ACAD10: variants seen among roughly 807,000 people sequenced by gnomAD.
The protein encoded by ACAD10 is acyl-CoA dehydrogenase family member 10, also known as ACAD-10.
Under a neutral mutation model 116.8 loss-of-function variants are expected in ACAD10, and 112 were observed. That is an observed-to-expected ratio of 0.96 (90% CI 0.82 to 1.12). The LOEUF (loss-of-function observed/expected upper bound fraction) is 1.12. ACAD10 is among the 50% of genes most tolerant of loss of function. ACAD10 has a pLI of 0.00. For missense variants in ACAD10, 1,259 were observed against 1,350.2 expected (o/e 0.93, Z 1.06); for synonymous variants, 486 against 510.6 (o/e 0.95, Z 0.65).
chr12:111,704,595 G>A (rs1342367824), intron 3 of ACAD10, among the ~76,000 whole-genome samples: 2 of 152,002 alleles, frequency 1.3e-5, no homozygotes, highest in African/African-American at 2.4e-5. Context: ...TCTAAAATCT[G>A]TGTGTGTATA....
intron 19 of ACAD10, 145 bp from the exon 20 acceptor site, chr12:111,755,523 C>T (rs1475071037): frequency 6.1e-6 from 4 of 658,280 alleles, no homozygotes; most frequent in African/African-American, 1.8e-5. Context: ...TCACCTCAGC[C>T]TCCTGAGTAG....
chr12:111,728,237 G>A (rs1429832609), intron 9 of ACAD10, 94 bp downstream of exon 9: 26 of 1,275,094 alleles, frequency 2.0e-5, no homozygotes, highest in Non-Finnish European at 2.8e-5. Context: ...TTGAGTATTA[G>A]CACACCAAGC....
intron 4 of ACAD10, 55 bp downstream of exon 4, chr12:111,705,987 G>C (rs1047048791): frequency 3.2e-6 from 5 of 1,572,172 alleles, no homozygotes; most frequent in Non-Finnish European, 4.3e-6. Flanking sequence ...CTCGCTTCAG[G>C]GTGCAATGTT....
chr12:111,740,769 C>T (rs1262714556), intron 12 of ACAD10, among the ~76,000 whole-genome samples: 4 of 120,210 alleles, frequency 3.3e-5, no homozygotes, highest in African/African-American at 3.3e-5. Flanking sequence ...GGTGACAGAG[C>T]GAGACTCCAT....
intron 5 of ACAD10, chr12:111,710,105 T>TC (rs1390890221): frequency 1.0e-5 from 3 of 286,356 alleles, no homozygotes; most frequent in African/African-American, 2.3e-5. Context: ...TTTTTTTTTT[T>TC]CTCATACAGG....
intron 9 of ACAD10, among the ~76,000 whole-genome samples, chr12:111,729,564 T>G (rs894033772): frequency 6.6e-6 from 1 of 152,140 alleles, no homozygotes; most frequent in Non-Finnish European, 1.5e-5. Context: ...AGATCATACT[T>G]GGAGACCATA....
chr12:111,729,912 T>A lies in ACAD10; in HGVS notation c.1350T>A (p.His450Gln). The A allele has an allele frequency of 6.2e-7, 1 of 1,614,060 alleles. No homozygotes were observed. Among genetic ancestry groups the A allele is most frequent in the Non-Finnish European group, 8.5e-7 (1 of 1,179,986 alleles). Residue 450 changes from histidine (H) to glutamine (Q), a missense_variant, in exon 10 of 21, where the codon CAT (histidine) becomes CAA (glutamine). Coordinates refer to ENST00000313698, the MANE Select transcript of ACAD10 (RefSeq NM_025247.6). ...GGCTGATCGAATGGCTGCCCCTCCA[T>A]CTTCCCCGTCAGCAGAGGACCACAG... Reference protein sequence around the residue: ...MERLIEWLPLHLPRQQRTTVV... With the variant: ...MERLIEWLPLQLPRQQRTTVV...
At chr12:111,716,631 G>A (rs1357628905) in intron 7 of ACAD10, among the ~76,000 whole-genome samples, 1 of 152,138 alleles carries the variant, frequency 6.6e-6, no homozygotes, top group African/African-American at 2.4e-5. Context: ...GAGGCAGGTG[G>A]ATGACTTGAA....
chr12:111,708,324 C>T (rs1888570235), intron 4 of ACAD10, among the ~76,000 whole-genome samples: 1 of 152,036 alleles, frequency 6.6e-6, no homozygotes, highest in Non-Finnish European at 1.5e-5. Flanking sequence ...TTGCCCCATC[C>T]CCCCCAATTC....
At chr12:111,737,785 G>C (rs1314481996) in intron 12 of ACAD10, among the ~76,000 whole-genome samples, 4 of 151,962 alleles carry the variant, frequency 2.6e-5, no homozygotes, top group African/African-American at 9.7e-5. Context: ...AAGAATTTCT[G>C]TGAAATATGT....
intron 7 of ACAD10, among the ~76,000 whole-genome samples, chr12:111,720,847 G>A (rs570977035): frequency 2.5e-4 from 38 of 151,882 alleles, no homozygotes; most frequent in African/African-American, 8.9e-4. Flanking sequence ...ACAGTGGAGC[G>A]ATCTTGGCTC....
In ACAD10 at chr12:111,734,549, G is replaced by A. The variant is rs541787026; in HGVS notation, c.1540+481G>A. ...TGAGGCAGGAGAATTGTTTGAACCT[G>A]GGAGGCAGAGGTTGCAGTCAGCTGA... On this transcript the variant is annotated intron_variant, in intron 11 of 20. Coordinates refer to ENST00000313698, the MANE Select transcript of ACAD10 (RefSeq NM_025247.6). Among the ~76,000 whole-genome samples the A allele has an allele frequency of 1.2e-4, 18 of 152,260 alleles. No homozygotes were observed. In the South Asian group the frequency reaches 2.9e-3, roughly 25 times the overall value.
In ACAD10 at chr12:111,747,193, C is replaced by T. The variant is rs145815242; in HGVS notation, c.2394+7C>T. ...TGCTATGACCGAGCCCCAGGTACGTCGCCTGGGCTGCCACCCACTTGCCTG... is the reference window on the plus strand; with the variant it reads ...TGCTATGACCGAGCCCCAGGTACGTTGCCTGGGCTGCCACCCACTTGCCTG... On this transcript the variant is annotated splice_region_variant and intron_variant, in intron 15 of 20. Coordinates refer to ENST00000313698, the MANE Select transcript of ACAD10 (RefSeq NM_025247.6). 6.2e-5 allele frequency: 99 copies of T among 1,608,190 alleles called. No homozygotes were observed. Among genetic ancestry groups the T allele is most frequent in the Non-Finnish European group, 7.7e-5 (91 of 1,175,508 alleles).
intron 2 of ACAD10, among the ~76,000 whole-genome samples, chr12:111,697,601 T>C (rs1215253681): frequency 4.0e-5 from 6 of 149,978 alleles, no homozygotes; most frequent in Non-Finnish European, 5.9e-5. Flanking sequence ...TTTTTTTTTT[T>C]TGAGACAGAG....
chr12:111,705,192 G>A (rs1441627418), intron 3 of ACAD10, among the ~76,000 whole-genome samples: 2 of 150,196 alleles, frequency 1.3e-5, no homozygotes, highest in African/African-American at 4.9e-5. Flanking sequence ...TTTTCAACTA[G>A]CAATCCATGA....
At chr12:111,745,191 A>G in intron 13 of ACAD10, 148 bp downstream of exon 13, 1 of 905,836 alleles carries the variant, frequency 1.1e-6, no homozygotes, top group Non-Finnish European at 1.6e-6. Context: ...AGAAAGAGCC[A>G]GCTCTTCATG....
intron 3 of ACAD10, among the ~76,000 whole-genome samples, chr12:111,702,751 A>G (rs751603452): frequency 9.9e-5 from 15 of 152,082 alleles, no homozygotes; most frequent in Non-Finnish European, 1.8e-4. Context: ...TAATAAAGTT[A>G]TTTCTTTCAC....
chr12:111,714,140 G>A (rs568551367), intron 6 of ACAD10, among the ~76,000 whole-genome samples: 1 of 151,718 alleles, frequency 6.6e-6, no homozygotes, highest in African/African-American at 2.4e-5. Flanking sequence ...AGCTACTTGG[G>A]AGGCTAAGAC....
At position 111,744,992 on chromosome 12, in the gene ACAD10, C is replaced by A; in HGVS notation, c.2064C>A (p.His688Gln). Residue 688 changes from histidine (H) to glutamine (Q), a missense_variant, in exon 13 of 21, where the codon CAC (histidine) becomes CAA (glutamine). Physicochemically the swap from His to Gln is conservative, Grantham distance 24. Transcript: ENST00000313698. ...CTGCAGAGCCAGAGCTGCAGAGTCA[C>A]CAGGCCTCAGCAGCCAGGTGGAGCC... ...VYPAEPELQSHQASAARWSPS... is the reference protein window; with the variant it reads ...VYPAEPELQSQQASAARWSPS... 1 of 1,614,066 alleles carries A rather than the reference C, an allele frequency of 6.2e-7. No individual in the cohort carries two copies. Among genetic ancestry groups the A allele is most frequent in the Non-Finnish European group, 8.5e-7 (1 of 1,180,036 alleles).
Sources: allele counts gnomAD v4.1 joint callset (sites outside exome capture counted in the v4.1 genomes callset), GRCh38; gene constraint gnomAD v4.1.1; transcripts MANE v1.5; gene names NCBI Gene and HGNC (gene_info 2026-07-23, HGNC 2026-07-21).